The following RNF115 variants were observed in gnomAD, a reference collection of about 807,000 sequenced individuals.
The protein encoded by RNF115 is ring finger protein 115, also known as E3 ubiquitin-protein ligase RNF115.
In RNF115, 31 loss-of-function variants were observed where a neutral mutation model predicts 39.2. The ratio of observed to expected loss-of-function variants is 0.79; its 90% confidence interval spans 0.59 to 1.07. RNF115 has a LOEUF of 1.07. RNF115 is among the 50% of genes least tolerant of loss of function. The pLI is 0.00. For missense variants in RNF115, 384 were observed against 381.7 expected (o/e 1.01, Z -0.05); for synonymous variants, 124 against 131.0 (o/e 0.95, Z 0.37).
intron 2 of RNF115, among the ~76,000 whole-genome samples, chr1:145,786,693 G>T (rs781930516): frequency 6.6e-6 from 1 of 152,176 alleles, no homozygotes; most frequent in Non-Finnish European, 1.5e-5. Context: ...CAAAAGATAA[G>T]CCCATTAATT....
At position 145,776,091 on chromosome 1, in the gene RNF115, G is replaced by GGT. The variant is rs1553716508; in HGVS notation, c.220-4173_220-4172insAC. Among the ~76,000 whole-genome samples, 17 of 35,094 alleles carry GGT rather than the reference G, an allele frequency of 4.8e-4. No homozygotes were observed. The South Asian group carries it at 0.017, about 35-fold the overall frequency. 23.0% of individuals were successfully genotyped at this position (35,094 alleles called of 152,430 possible). The stretch of plus-strand genomic sequence containing the variant: ...CAGGCCATGGTTGACCACAGGGTAA[G>GGT]GGGGGGGCTACTGTACCAATTCAGA... On this transcript the variant is annotated intron_variant, in intron 3 of 8. Coordinates refer to ENST00000582693, the MANE Select transcript of RNF115 (RefSeq NM_014455.4).
Position 145,748,334 on chromosome 1 carries a change from G to A in RNF115, c.668-224C>T, listed in dbSNP as rs782472697. Reference sequence around the variant, plus strand: ...ATGAAAAGAAGGAATGATGAATGGGGCCTACTCCAAAAAGGCCTATATAGG... The same window carrying A: ...ATGAAAAGAAGGAATGATGAATGGGACCTACTCCAAAAAGGCCTATATAGG... On this transcript the variant is annotated intron_variant, in intron 7 of 8. Coordinates refer to ENST00000582693, the MANE Select transcript of RNF115 (RefSeq NM_014455.4). Among the ~76,000 whole-genome samples the A allele has an allele frequency of 2.6e-4, 40 of 152,210 alleles. No individual in the cohort carries two copies. In the Middle Eastern group the frequency reaches 0.014, roughly 52 times the overall value.
chr1:145,806,225 G>A (rs2101596466), intron 1 of RNF115, among the ~76,000 whole-genome samples: 1 of 152,220 alleles, frequency 6.6e-6, no homozygotes, highest in South Asian at 2.1e-4. Context: ...GCCCACACCT[G>A]TAATCCCAGC....
chr1:145,750,452 T>C lies in RNF115; in HGVS notation c.622A>G (p.Lys208Glu). The change falls in exon 7 of 9, where the codon AAG becomes GAG. Residue 208 changes from lysine to glutamate, a missense_variant. Lys to Glu is a moderately conservative substitution (Grantham distance 56). Coordinates refer to ENST00000582693, the MANE Select transcript of RNF115 (RefSeq NM_014455.4). ...NTGPPPADKEKITSLPTVTVT... is the reference protein window; with the variant it reads ...NTGPPPADKEEITSLPTVTVT... ...GTCACTGTTGGAAGAGATGTGATCTTTTCCTTGTCAGCTGGGGGAGGGCCT... is the reference window on the plus strand; with the variant it reads ...GTCACTGTTGGAAGAGATGTGATCTCTTCCTTGTCAGCTGGGGGAGGGCCT... The C allele has an allele frequency of 6.2e-7, 1 of 1,614,106 alleles. No individual in the cohort carries two copies.
At chr1:145,770,999 G>A (rs1020011484) in intron 4 of RNF115, among the ~76,000 whole-genome samples, 7 of 152,138 alleles carry the variant, frequency 4.6e-5, no homozygotes, top group Non-Finnish European at 8.8e-5. Flanking sequence ...TAAATTTCAT[G>A]TTAAGTCCAC....
At chr1:145,791,525 A>AC (rs1253562733) in intron 1 of RNF115, among the ~76,000 whole-genome samples, 5 of 151,902 alleles carry the variant, frequency 3.3e-5, no homozygotes, top group Non-Finnish European at 4.4e-5. Flanking sequence ...AAAAAAAAAA[A>AC]AAGAGAAAGA....
intron 1 of RNF115, among the ~76,000 whole-genome samples, chr1:145,810,716 G>A (rs1553722394): frequency 6.9e-6 from 1 of 144,858 alleles, no homozygotes; most frequent in Non-Finnish European, 1.5e-5. Flanking sequence ...GGAAAGCATA[G>A]GCAAGTCCAG....
rs587727457 is a variant in RNF115 at position 145,763,886 on chromosome 1, C to CT, written c.428+7824dup. Among the ~76,000 whole-genome samples, 251 of 124,694 alleles carry CT rather than the reference C, an allele frequency of 2.0e-3. 17 individuals carry two copies. The South Asian group carries it at 0.074, about 37-fold the overall frequency. 81.8% of individuals were successfully genotyped at this position (124,694 alleles called of 152,430 possible). A position where few individuals can be genotyped will look rare whatever the true frequency, so the allele number is the denominator to read the frequency against. ...TACCGTCTTAAAAAATTATTTGGCC[C>CT]TCCCCCTCCCCCTCCCCCTCTCCCT... On this transcript the variant is annotated intron_variant, in intron 4 of 8. Coordinates refer to ENST00000582693, the MANE Select transcript of RNF115 (RefSeq NM_014455.4).
At chr1:145,788,473 G>GATTA in intron 2 of RNF115, among the ~76,000 whole-genome samples, 1 of 152,296 alleles carries the variant, frequency 6.6e-6, no homozygotes, top group East Asian at 1.9e-4. Flanking sequence ...TACCTGATTA[G>GATTA]GTATCTTTGT....
chr1:145,768,373 T>A (rs1365818480), intron 4 of RNF115, among the ~76,000 whole-genome samples: 2 of 152,186 alleles, frequency 1.3e-5, no homozygotes, highest in Non-Finnish European at 2.9e-5. Flanking sequence ...TGGAGTACAG[T>A]GGCGCAATCT....
chr1:145,816,795 C>T lies in RNF115; in HGVS notation c.102+6977G>A, dbSNP rs1396521297. 2.1e-5 allele frequency among the ~76,000 whole-genome samples: 3 copies of T among 141,250 alleles called. No individual in the cohort carries two copies. In the Admixed American group the frequency reaches 2.2e-4, roughly 10 times the overall value. 92.7% of individuals were successfully genotyped at this position (141,250 alleles called of 152,430 possible). ...CCCTCTCTCTTCTCTCTCATCCAGA[C>T]TGGGTCTCTGTTGCCCAGGCTGGAG... is the stretch of plus-strand genomic sequence containing the variant. On this transcript the variant is annotated intron_variant, in intron 1 of 8. Coordinates refer to ENST00000582693, the MANE Select transcript of RNF115 (RefSeq NM_014455.4).
intron 2 of RNF115, among the ~76,000 whole-genome samples, chr1:145,785,396 C>T (rs1420575106): frequency 1.3e-5 from 2 of 152,098 alleles, no homozygotes; most frequent in African/African-American, 4.8e-5. Context: ...TATATTGACA[C>T]TCAAAAGTTG....
At chr1:145,761,697 A>C (rs935289569) in intron 4 of RNF115, among the ~76,000 whole-genome samples, 6 of 152,196 alleles carry the variant, frequency 3.9e-5, no homozygotes, top group African/African-American at 1.2e-4. Context: ...CGGAAGGAAA[A>C]TGTGGGGTGG....
At chr1:145,772,096 C>A in intron 3 of RNF115, 177 bp from the exon 4 acceptor site, 1 of 570,370 alleles carries the variant, frequency 1.8e-6, no homozygotes, top group Non-Finnish European at 3.1e-6. Context: ...ATCTATACAT[C>A]TTCAACTTTA....
chr1:145,754,061 A>AC (rs1658200859), intron 4 of RNF115, among the ~76,000 whole-genome samples: 1 of 152,164 alleles, frequency 6.6e-6, no homozygotes, highest in African/African-American at 2.4e-5. Flanking sequence ...AGGCCAATTA[A>AC]TATAACAATG....
At chr1:145,808,317 G>C (rs1649546018) in intron 1 of RNF115, among the ~76,000 whole-genome samples, 1 of 152,118 alleles carries the variant, frequency 6.6e-6, no homozygotes. Context: ...CAGTGTTTAA[G>C]AGTTCCCTTT....
intron 1 of RNF115, among the ~76,000 whole-genome samples, chr1:145,812,299 G>A (rs1458715240): frequency 1.3e-5 from 2 of 150,428 alleles, no homozygotes; most frequent in East Asian, 3.9e-4. Flanking sequence ...AGTTTCCTGT[G>A]ACACTTGTTC....
At chr1:145,809,026 T>G (rs1473404558) in intron 1 of RNF115, among the ~76,000 whole-genome samples, 1 of 152,144 alleles carries the variant, frequency 6.6e-6, no homozygotes, top group South Asian at 2.1e-4. Flanking sequence ...ATGGGATGAC[T>G]CCTCTTCTTA....
intron 1 of RNF115, among the ~76,000 whole-genome samples, chr1:145,794,873 C>T (rs1429991222): frequency 6.6e-6 from 1 of 151,702 alleles, no homozygotes; most frequent in Non-Finnish European, 1.5e-5. Flanking sequence ...AAAAATTAGC[C>T]GTGCGTGGTG....
Sources: allele counts gnomAD v4.1 joint callset (sites outside exome capture counted in the v4.1 genomes callset), GRCh38; gene constraint gnomAD v4.1.1; transcripts MANE v1.5; gene names NCBI Gene and HGNC (gene_info 2026-07-23, HGNC 2026-07-21).